Variants in MCF2L2 observed in about 807,000 individuals in gnomAD.
MCF2L2 encodes MCF.2 cell line derived transforming sequence-like 2, also known as probable guanine nucleotide exchange factor MCF2L2.
A neutral mutation model predicts 150.2 loss-of-function variants in MCF2L2; 102 were observed. That is an observed-to-expected ratio of 0.68 (90% CI 0.58 to 0.80). MCF2L2 has a LOEUF of 0.80. Ranked by LOEUF, MCF2L2 falls within the 30% of genes least tolerant of loss-of-function variation. The pLI is 0.00. For missense variants in MCF2L2, 1,256 were observed against 1,372.8 expected (o/e 0.91, Z 1.34); for synonymous variants, 465 against 491.3 (o/e 0.95, Z 0.71).
chr3:183,339,364 C>CATA lies in MCF2L2; in HGVS notation c.367-448_367-446dup, dbSNP rs548581356. Among the ~76,000 whole-genome samples the CATA allele has an allele frequency of 1.5e-3, 232 of 152,192 alleles. 1 individual carries two copies. The highest frequency in any genetic ancestry group is 2.7e-3 in the Non-Finnish European group (182 of 68,018). On this transcript the variant is annotated intron_variant, in intron 4 of 29. Transcript: ENST00000328913. ...CCGGCCTTCTCACTTAATGTTATAC[C>CATA]ATAGGCTTTTATTCCTGTTATTAAT...
At chr3:183,342,773 T>C (rs1199184066) in intron 3 of MCF2L2, among the ~76,000 whole-genome samples, 1 of 152,032 alleles carries the variant, frequency 6.6e-6, no homozygotes, top group Non-Finnish European at 1.5e-5. Flanking sequence ...CCACTTCTAT[T>C]AAGTCTTATG....
chr3:183,248,255 C>T (rs1404662054), intron 15 of MCF2L2, among the ~76,000 whole-genome samples: 9 of 151,776 alleles, frequency 5.9e-5, no homozygotes, highest in Non-Finnish European at 1.2e-4. Context: ...AACTTTGGAC[C>T]ATCTGACCAC....
At chr3:183,327,209 C>A (rs1202137065) in intron 5 of MCF2L2, among the ~76,000 whole-genome samples, 1 of 152,068 alleles carries the variant, frequency 6.6e-6, no homozygotes, top group African/African-American at 2.4e-5. Context: ...CCTGTAATCC[C>A]AGCTACTTGG....
At chr3:183,265,632 G>C (rs1726034091) in intron 15 of MCF2L2, 2 of 152,268 alleles carry the variant, frequency 1.3e-5, no homozygotes, top group African/African-American at 2.4e-5. Flanking sequence ...TTTGATTTAG[G>C]CTGGGAAAGG....
At chr3:183,419,299 C>T (rs1283368010) in intron 1 of MCF2L2, among the ~76,000 whole-genome samples, 1 of 152,230 alleles carries the variant, frequency 6.6e-6, no homozygotes, top group Non-Finnish European at 1.5e-5. Flanking sequence ...GCCTCTGGGA[C>T]TGTGATGGGA....
At chr3:183,323,121 C>T in intron 6 of MCF2L2, 114 bp downstream of exon 6, 1 of 681,782 alleles carries the variant, frequency 1.5e-6, no homozygotes, top group Non-Finnish European at 2.5e-6. Flanking sequence ...TCCCAACCAC[C>T]CCAAGGTCAG....
intron 5 of MCF2L2, among the ~76,000 whole-genome samples, chr3:183,325,435 C>T (rs1729984431): frequency 6.6e-6 from 1 of 152,048 alleles, no homozygotes; most frequent in Non-Finnish European, 1.5e-5. Context: ...TGGTTTGGGG[C>T]TTTTAAAATG....
chr3:183,324,751 G>A (rs1729955116), intron 5 of MCF2L2, among the ~76,000 whole-genome samples: 1 of 151,640 alleles, frequency 6.6e-6, no homozygotes, highest in Non-Finnish European at 1.5e-5. Flanking sequence ...AAAAATTGTG[G>A]CCTAAAGTCT....
chr3:183,215,881 C>G, intron 22 of MCF2L2, 88 bp downstream of exon 22: 3 of 1,454,866 alleles, frequency 2.1e-6, no homozygotes, highest in Non-Finnish European at 2.8e-6. Flanking sequence ...CATAGACGAT[C>G]TCTCTGACTT....
intron 1 of MCF2L2, among the ~76,000 whole-genome samples, chr3:183,403,959 T>G (rs1714907511): frequency 6.6e-6 from 1 of 151,964 alleles, no homozygotes. Context: ...TAAAAAGTGG[T>G]TTGAGGCTCA....
intron 15 of MCF2L2, chr3:183,272,359 T>C (rs1424939412): frequency 5.0e-6 from 5 of 1,000,106 alleles, no homozygotes; most frequent in African/African-American, 1.7e-5. Context: ...TCTAAGGCCT[T>C]TGACTGCAGA....
At chr3:183,351,209 T>TATAC (rs1731110321) in intron 3 of MCF2L2, among the ~76,000 whole-genome samples, 1 of 78,724 alleles carries the variant, frequency 1.3e-5, no homozygotes, top group Admixed American at 1.3e-4. Flanking sequence ...TATATATATA[T>TATAC]ATATATATAT....
intron 3 of MCF2L2, chr3:183,376,686 T>C (rs997234185): frequency 2.0e-5 from 3 of 152,212 alleles, no homozygotes; most frequent in African/African-American, 4.8e-5. Flanking sequence ...GAGAAAAGCA[T>C]AGACATTTAT....
intron 15 of MCF2L2, 75 bp downstream of exon 15, chr3:183,276,797 G>T: frequency 6.4e-6 from 6 of 941,564 alleles, no homozygotes; most frequent in Non-Finnish European, 5.1e-6. Flanking sequence ...AGGTGCTGAG[G>T]TGTAAAAGAG....
intron 15 of MCF2L2, among the ~76,000 whole-genome samples, chr3:183,238,821 C>T (rs565245431): frequency 6.6e-6 from 1 of 150,732 alleles, no homozygotes; most frequent in Non-Finnish European, 1.5e-5. Context: ...CACGGTGAAA[C>T]CCCGTCTCTA....
At chr3:183,362,513 C>T (rs1712272068) in intron 3 of MCF2L2, among the ~76,000 whole-genome samples, 1 of 151,074 alleles carries the variant, frequency 6.6e-6, no homozygotes, top group African/African-American at 2.5e-5. Context: ...AAAGGCATAG[C>T]TTCTGGGAGA....
intron 1 of MCF2L2, among the ~76,000 whole-genome samples, chr3:183,405,583 C>T (rs915528885): frequency 2.4e-4 from 36 of 152,272 alleles, no homozygotes; most frequent in African/African-American, 8.2e-4. Flanking sequence ...ACATCTTTAT[C>T]TTAGCATAAT....
At chr3:183,210,765 A>T (rs1021273444) in intron 22 of MCF2L2, among the ~76,000 whole-genome samples, 10 of 152,296 alleles carry the variant, frequency 6.6e-5, no homozygotes, top group Middle Eastern at 6.8e-3. Context: ...AATGCTGAAG[A>T]GGCAGCCTCA....
At chr3:183,299,664 A>G in intron 11 of MCF2L2, 1 of 231,886 alleles carries the variant, frequency 4.3e-6, no homozygotes, top group Non-Finnish European at 8.3e-6. Context: ...AGCACTCTGC[A>G]AATATAGTGC....
Sources: gnomAD v4.1 joint callset for allele counts (sites outside exome capture counted in the v4.1 genomes callset) on GRCh38, gnomAD v4.1.1 for gene constraint, MANE v1.5 for transcripts, NCBI Gene and HGNC (gene_info 2026-07-23, HGNC 2026-07-21) for gene names.